Variants in SRGAP1 observed in about 807,000 individuals in gnomAD.
SRGAP1 encodes the protein SLIT-ROBO Rho GTPase activating protein 1, also known as SLIT-ROBO Rho GTPase-activating protein 1.
Under a neutral mutation model 121.9 loss-of-function variants are expected in SRGAP1, and 43 were observed. The ratio of observed to expected loss-of-function variants is 0.35; its 90% CI spans 0.28 to 0.46. SRGAP1 has a LOEUF of 0.46. Ranked by LOEUF, SRGAP1 falls within the 20% of genes least tolerant of loss-of-function variation. The probability of loss-of-function intolerance (pLI) is 1.00; values close to 1 mark genes in which losing one functional copy is unlikely to be tolerated. For synonymous variants in SRGAP1, 447 were observed against 485.4 expected (o/e 0.92, Z 1.04); for missense variants, 1,102 against 1,350.9 (o/e 0.82, Z 2.89).
chr12:63,977,836 T>G (rs1323863744), intron 1 of SRGAP1, among the ~76,000 whole-genome samples: 3 of 152,222 alleles, frequency 2.0e-5, no homozygotes, highest in Non-Finnish European at 4.4e-5. Flanking sequence ...TTAGCCTCCA[T>G]TAAAACTGCC....
At chr12:64,093,743 A>G (rs2136588020) in intron 12 of SRGAP1, among the ~76,000 whole-genome samples, 1 of 152,302 alleles carries the variant, frequency 6.6e-6, no homozygotes, top group Admixed American at 6.5e-5. Context: ...AAACAAATTA[A>G]CTAATTAGAA....
At chr12:64,090,921 C>G (rs1304103235) in intron 11 of SRGAP1, among the ~76,000 whole-genome samples, 1 of 152,054 alleles carries the variant, frequency 6.6e-6, no homozygotes, top group African/African-American at 2.4e-5. Flanking sequence ...TCTTTATGAC[C>G]GGTTGTATCT....
chr12:64,086,950 ACT>A (rs755576346), intron 10 of SRGAP1, 47 bp from the exon 11 acceptor site: 1 of 1,442,140 alleles, frequency 6.9e-7, no homozygotes, highest in Non-Finnish European at 9.7e-7. Context: ...TACCACATAC[ACT>A]CTGCTGATTC....
At chr12:64,052,756 A>G (rs967363896) in intron 6 of SRGAP1, among the ~76,000 whole-genome samples, 4 of 152,166 alleles carry the variant, frequency 2.6e-5, no homozygotes, top group African/African-American at 9.7e-5. Context: ...TGTTTTTACT[A>G]TGCATTATAT....
At chr12:63,929,020 G>A (rs1044255367) in intron 1 of SRGAP1, among the ~76,000 whole-genome samples, 1 of 151,742 alleles carries the variant, frequency 6.6e-6, no homozygotes, top group Non-Finnish European at 1.5e-5. Flanking sequence ...TCTGCTCTGC[G>A]GCCTGGTTCC....
At chr12:63,896,291 A>G (rs2136301592) in intron 1 of SRGAP1, among the ~76,000 whole-genome samples, 1 of 152,326 alleles carries the variant, frequency 6.6e-6, no homozygotes, top group Non-Finnish European at 1.5e-5. Flanking sequence ...TTAGTGAATT[A>G]CCTGTTAGGA....
At chr12:63,986,669 T>C (rs2033425524) in intron 2 of SRGAP1, among the ~76,000 whole-genome samples, 1 of 152,168 alleles carries the variant, frequency 6.6e-6, no homozygotes, top group Admixed American at 6.5e-5. Flanking sequence ...GTGATCCGCC[T>C]GCCTCAGCCT....
intron 1 of SRGAP1, among the ~76,000 whole-genome samples, chr12:63,937,244 T>C (rs55801058): frequency 0.022 from 3,423 of 152,256 alleles, 113 homozygotes; most frequent in African/African-American, 0.077. Flanking sequence ...AGAGTTAATT[T>C]CTCATTTAGT....
chr12:64,099,618 G>T (rs1485142180), intron 15 of SRGAP1, among the ~76,000 whole-genome samples: 2 of 152,110 alleles, frequency 1.3e-5, no homozygotes, highest in Non-Finnish European at 2.9e-5. Flanking sequence ...CGTAGCCTGA[G>T]TCATCACAAT....
At chr12:63,942,244 T>C (rs1314399706) in intron 1 of SRGAP1, among the ~76,000 whole-genome samples, 1 of 152,214 alleles carries the variant, frequency 6.6e-6, no homozygotes, top group Non-Finnish European at 1.5e-5. Context: ...TACTTTATTG[T>C]AGTTCTTTAA....
At chr12:63,890,866 T>C (rs1406034964) in intron 1 of SRGAP1, among the ~76,000 whole-genome samples, 3 of 152,222 alleles carry the variant, frequency 2.0e-5, no homozygotes, top group Non-Finnish European at 4.4e-5. Context: ...CTCTTGACCC[T>C]CTTCACAGAC....
chr12:64,071,579 T>C (rs1246801704), intron 8 of SRGAP1, among the ~76,000 whole-genome samples: 2 of 152,162 alleles, frequency 1.3e-5, no homozygotes, highest in East Asian at 3.9e-4. Flanking sequence ...GAGATCATGC[T>C]CCTTAGACCA....
chr12:63,884,896 A>G (rs1206446598), intron 1 of SRGAP1, among the ~76,000 whole-genome samples: 1 of 151,360 alleles, frequency 6.6e-6, no homozygotes, highest in Non-Finnish European at 1.5e-5. Context: ...ATTTTTCTGT[A>G]TTTTTAGTAG....
chr12:64,027,510 G>A lies in SRGAP1; in HGVS notation c.489+10498G>A, dbSNP rs963100173. On this transcript the variant is annotated intron_variant, in intron 4 of 21. Transcript: ENST00000355086. ...GAGATGAAACAGGGGAAAGGCATCT[G>A]AGGAAAAGGAGCAGTGAGAGCCAAG... Among the ~76,000 whole-genome samples, 10 of 152,114 alleles carry A rather than the reference G, an allele frequency of 6.6e-5. 1 individual carries two copies. Among genetic ancestry groups the A allele is most frequent in the African/African-American group, 2.4e-4 (10 of 41,372 alleles).
chr12:63,894,740 C>T (rs1192900845), intron 1 of SRGAP1, among the ~76,000 whole-genome samples: 4 of 152,006 alleles, frequency 2.6e-5, no homozygotes, highest in East Asian at 1.9e-4. Flanking sequence ...TTTGTTCTTG[C>T]GATAGTTTGC....
At chr12:63,857,059 T>C (rs1478461880) in intron 1 of SRGAP1, among the ~76,000 whole-genome samples, 1 of 152,268 alleles carries the variant, frequency 6.6e-6, no homozygotes, top group Non-Finnish European at 1.5e-5. Flanking sequence ...TGTTTTCTAC[T>C]TTCTATTATG....
At chr12:64,049,306 G>C (rs1453017290) in intron 6 of SRGAP1, among the ~76,000 whole-genome samples, 1 of 152,148 alleles carries the variant, frequency 6.6e-6, no homozygotes, top group Non-Finnish European at 1.5e-5. Flanking sequence ...CTGCTATAAA[G>C]AACTGCCCAA....
chr12:63,969,563 G>A (rs1433324727), intron 1 of SRGAP1, among the ~76,000 whole-genome samples: 2 of 152,074 alleles, frequency 1.3e-5, no homozygotes, highest in Non-Finnish European at 1.5e-5. Flanking sequence ...GGAGGCCAAG[G>A]CAGGCGGATC....
intron 3 of SRGAP1, among the ~76,000 whole-genome samples, chr12:64,015,662 A>T (rs2034383009): frequency 6.6e-6 from 1 of 152,072 alleles, no homozygotes. Context: ...TTACAGATGG[A>T]CTTGGGCCAG....
Sources: allele counts gnomAD v4.1 joint callset (sites outside exome capture counted in the v4.1 genomes callset), GRCh38; gene constraint gnomAD v4.1.1; transcripts MANE v1.5; gene names NCBI Gene and HGNC (gene_info 2026-07-23, HGNC 2026-07-21).